The following PHACTR1 variants were observed in gnomAD, a reference collection of about 807,000 sequenced individuals.
PHACTR1 encodes RPEL repeat containing 1.
A neutral mutation model predicts 69.2 loss-of-function variants in PHACTR1; 16 were observed. The observed-to-expected ratio is 0.23, with a 90% CI of 0.16 to 0.35. The LOEUF (loss-of-function observed/expected upper bound fraction) is 0.35. Ranked by LOEUF, PHACTR1 falls within the 10% of genes least tolerant of loss-of-function variation. The pLI, the probability that PHACTR1 is intolerant of heterozygous loss-of-function variation, is 1.00. For synonymous variants in PHACTR1, 312 were observed against 284.5 expected (o/e 1.10, Z -0.97); for missense variants, 510 against 734.7 (o/e 0.69, Z 3.54).
intron 3 of PHACTR1, among the ~76,000 whole-genome samples, chr6:12,722,865 G>C (rs1762297196): frequency 6.6e-6 from 1 of 152,120 alleles, no homozygotes; most frequent in Non-Finnish European, 1.5e-5. Flanking sequence ...CTAACACGAA[G>C]GGAGTTCTGC....
rs778050476 is a variant in PHACTR1, at chr6:13,160,308, C to A, written c.496+24C>A. 10 of 1,598,944 alleles carry A rather than the reference C, an allele frequency of 6.3e-6. No individual in the cohort carries two copies. The Admixed American group carries it at 1.7e-4, about 27-fold the overall frequency. On this transcript the variant is annotated intron_variant, in intron 6 of 14. Transcript: ENST00000332995. ...AGGTAAGGAGGATTGGTCTGTCATC[C>A]CCGGGTCAAAGAGTCATGCGTGGAA... is the stretch of plus-strand genomic sequence containing the variant.
At chr6:13,076,239 T>TAGAACAAATAGA (rs1810451292) in intron 5 of PHACTR1, among the ~76,000 whole-genome samples, 1 of 152,134 alleles carries the variant, frequency 6.6e-6, no homozygotes. Context: ...AGCCAATAAT[T>TAGAACAAATAGA]ACAGGGCTGC....
chr6:12,846,895 C>T (rs1437698241), intron 4 of PHACTR1, among the ~76,000 whole-genome samples: 1 of 152,068 alleles, frequency 6.6e-6, no homozygotes, highest in Non-Finnish European at 1.5e-5. Flanking sequence ...GCTTCTGCCT[C>T]CCATGCTCAA....
At chr6:13,013,751 A>C (rs991869671) in intron 4 of PHACTR1, among the ~76,000 whole-genome samples, 61 of 148,874 alleles carry the variant, frequency 4.1e-4, no homozygotes, top group African/African-American at 6.3e-4. Flanking sequence ...GCCCTCCCCG[A>C]CCCGCCCCGC....
At chr6:12,973,826 G>A (rs1295105223) in intron 4 of PHACTR1, among the ~76,000 whole-genome samples, 1 of 151,952 alleles carries the variant, frequency 6.6e-6, no homozygotes, top group Non-Finnish European at 1.5e-5. Context: ...TGGGTTCTAA[G>A]GGGTTGTTTT....
chr6:13,077,262 G>T (rs979185944), intron 5 of PHACTR1, among the ~76,000 whole-genome samples: 5 of 151,806 alleles, frequency 3.3e-5, no homozygotes, highest in African/African-American at 1.2e-4. Flanking sequence ...AGCCCAATGA[G>T]GTATTATGTA....
chr6:13,005,696 C>A (rs1321701409), intron 4 of PHACTR1, among the ~76,000 whole-genome samples: 1 of 152,170 alleles, frequency 6.6e-6, no homozygotes, highest in African/African-American at 2.4e-5. Flanking sequence ...TTCCTTTGAT[C>A]ATTCACTTCA....
At chr6:12,907,003 G>T (rs2127490339) in intron 4 of PHACTR1, among the ~76,000 whole-genome samples, 1 of 152,240 alleles carries the variant, frequency 6.6e-6, no homozygotes, top group Non-Finnish European at 1.5e-5. Flanking sequence ...GCCAATACTG[G>T]TAATCATGTT....
At chr6:12,943,804 A>G (rs1053652612) in intron 4 of PHACTR1, among the ~76,000 whole-genome samples, 1 of 152,272 alleles carries the variant, frequency 6.6e-6, no homozygotes, top group Non-Finnish European at 1.5e-5. Context: ...GTTGTAAAAC[A>G]TTTAGAAATT....
Position 13,193,796 on chromosome 6 carries a change from G to A in PHACTR1, c.664+11110G>A, listed in dbSNP as rs184299715. 8.5e-5 allele frequency among the ~76,000 whole-genome samples: 13 copies of A among 152,084 alleles called. 1 individual carries two copies. The highest frequency in any genetic ancestry group is 3.1e-4 in the African/African-American group (13 of 41,490). ...ATGTGTCGATGCTCACCCTGATGACGTGGTGACTTTGATTTGATTCCCTAT... is the reference window on the plus strand; with the variant it reads ...ATGTGTCGATGCTCACCCTGATGACATGGTGACTTTGATTTGATTCCCTAT... On this transcript the variant is annotated intron_variant, in intron 7 of 14. Transcript: ENST00000332995.
At chr6:12,747,288 G>A (rs1318692340) in intron 3 of PHACTR1, among the ~76,000 whole-genome samples, 4 of 152,130 alleles carry the variant, frequency 2.6e-5, no homozygotes, top group Non-Finnish European at 5.9e-5. Context: ...TTAGTTATGA[G>A]TACTCACAAC....
chr6:12,907,426 CTT>C (rs1307937128), intron 4 of PHACTR1, among the ~76,000 whole-genome samples: 2 of 152,178 alleles, frequency 1.3e-5, no homozygotes, highest in Non-Finnish European at 2.9e-5. Flanking sequence ...TTGCTAGTGT[CTT>C]TTATTTCTAT....
chr6:12,720,355 G>A (rs1023207219), intron 3 of PHACTR1, among the ~76,000 whole-genome samples: 13 of 152,232 alleles, frequency 8.5e-5, no homozygotes, highest in African/African-American at 3.1e-4. Flanking sequence ...GAATAAAGAT[G>A]CCCATTTTGT....
chr6:12,916,651 C>T (rs1787043754), intron 4 of PHACTR1, among the ~76,000 whole-genome samples: 1 of 151,796 alleles, frequency 6.6e-6, no homozygotes, highest in South Asian at 2.1e-4. Flanking sequence ...CACCAGCAGC[C>T]CATATGACAA....
At position 13,095,823 on chromosome 6, in the gene PHACTR1, G is replaced by A. The variant is rs187173729; in HGVS notation, c.415+42294G>A. Among the ~76,000 whole-genome samples the A allele has an allele frequency of 6.5e-4, 81 of 124,364 alleles. 1 individual carries two copies. The highest frequency in any genetic ancestry group is 2.3e-3 in the African/African-American group (76 of 32,900). The allele number at this position is 124,364 out of a possible 152,430, so 81.6% of individuals were successfully genotyped here. ...AAGCTTACTGGGTAACCTATCTAGA[G>A]GAAGAACTGGGTTTTGACCCATTGG... On this transcript the variant is annotated intron_variant, in intron 5 of 14. Coordinates refer to ENST00000332995, the MANE Select transcript of PHACTR1 (RefSeq NM_030948.6).
chr6:12,959,633 T>G (rs1792429012), intron 4 of PHACTR1, among the ~76,000 whole-genome samples: 2 of 152,256 alleles, frequency 1.3e-5, no homozygotes, highest in Admixed American at 6.5e-5. Context: ...GATTTCCATC[T>G]GTTGAAACTT....
At chr6:13,212,670 G>A (rs1483041502) in intron 8 of PHACTR1, among the ~76,000 whole-genome samples, 1 of 151,990 alleles carries the variant, frequency 6.6e-6, no homozygotes, top group Non-Finnish European at 1.5e-5. Context: ...CCTCTCTGTT[G>A]CTCCCTCCTC....
chr6:12,897,696 C>CG (rs1287919521), intron 4 of PHACTR1, among the ~76,000 whole-genome samples: 1 of 56,592 alleles, frequency 1.8e-5, no homozygotes, highest in African/African-American at 6.1e-5. Context: ...ACTTTGTAAT[C>CG]TTTTATTATT....
chr6:13,199,232 A>G (rs1162721913), intron 7 of PHACTR1, among the ~76,000 whole-genome samples: 2 of 151,956 alleles, frequency 1.3e-5, no homozygotes, highest in East Asian at 3.9e-4. Flanking sequence ...CTAAAAATAC[A>G]AAAAATTAGC....
Sources: allele counts gnomAD v4.1 joint callset (sites outside exome capture counted in the v4.1 genomes callset), GRCh38; gene constraint gnomAD v4.1.1; transcripts MANE v1.5; gene names NCBI Gene and HGNC (gene_info 2026-07-23, HGNC 2026-07-21).